The following NDUFAF6 variants were observed in gnomAD, a reference collection of about 807,000 sequenced individuals.
NDUFAF6 encodes the protein NADH dehydrogenase (ubiquinone) complex I, assembly factor 6.
Under a neutral mutation model 40.8 loss-of-function variants are expected in NDUFAF6, and 45 were observed. The ratio of observed to expected loss-of-function variants is 1.10; its 90% CI spans 0.87 to 1.42. NDUFAF6 has a LOEUF of 1.42. NDUFAF6 is among the 40% of genes most tolerant of loss of function. NDUFAF6 has a pLI of 0.00. For missense variants in NDUFAF6, 435 were observed against 418.5 expected (o/e 1.04, Z -0.34); for synonymous variants, 185 against 155.9 (o/e 1.19, Z -1.39).
chr8:95,035,993 A>T (rs1477866453), intron 3 of NDUFAF6, among the ~76,000 whole-genome samples: 2 of 152,216 alleles, frequency 1.3e-5, no homozygotes, highest in African/African-American at 4.8e-5. Context: ...GCTGTAGAAC[A>T]TGTATTAATC....
downstream of NDUFAF6, among the ~76,000 whole-genome samples, chr8:95,079,252 G>A (rs1649255296): frequency 6.6e-6 from 1 of 152,042 alleles, no homozygotes. Flanking sequence ...GAGCCACCGT[G>A]AACCACTGTA....
At chr8:95,000,797 G>A (rs1175910329) in intron 2 of NDUFAF6, among the ~76,000 whole-genome samples, 2 of 151,940 alleles carry the variant, frequency 1.3e-5, no homozygotes, top group African/African-American at 2.4e-5. Flanking sequence ...TTGGCCAGGG[G>A]TGGAGACACA....
At chr8:95,010,758 T>A (rs4323442) in intron 2 of NDUFAF6, among the ~76,000 whole-genome samples, 1 of 152,088 alleles carries the variant, frequency 6.6e-6, no homozygotes, top group African/African-American at 2.4e-5. Flanking sequence ...TGTTAAAGTT[T>A]AGCAGTTTCA....
intron 2 of NDUFAF6, among the ~76,000 whole-genome samples, chr8:95,019,029 T>A (rs1485624070): frequency 6.6e-6 from 1 of 152,234 alleles, no homozygotes; most frequent in African/African-American, 2.4e-5. Context: ...TTATTTATTT[T>A]GAGACAGAGT....
rs569964634 is a variant in NDUFAF6, at chr8:94,916,854, C to G, written c.-936+20927C>G. On this transcript the variant is annotated intron_variant, in intron 1 of 14. Coordinates refer to the NDUFAF6 transcript ENST00000396113. ...AAAAGGCCGGGCGCGGTGGCTCACA[C>G]CTGTAATCCCAGCACTTTGGGAGGC... Among the ~76,000 whole-genome samples, 385 of 140,512 alleles carry G rather than the reference C, an allele frequency of 2.7e-3. 2 individuals carry two copies. The highest frequency in any genetic ancestry group is 4.1e-3 in the Non-Finnish European group (274 of 66,154). 92.2% of individuals were successfully genotyped at this position (140,512 alleles called of 152,430 possible).
At chr8:94,961,581 C>T (rs1293503747) in intron 1 of NDUFAF6, among the ~76,000 whole-genome samples, 2 of 152,206 alleles carry the variant, frequency 1.3e-5, no homozygotes, top group Non-Finnish European at 2.9e-5. Flanking sequence ...ACCACTACAC[C>T]TGGCTAATTT....
intron 2 of NDUFAF6, among the ~76,000 whole-genome samples, chr8:94,987,485 G>T (rs563591370): frequency 2.3e-4 from 33 of 144,132 alleles, no homozygotes; most frequent in African/African-American, 7.8e-4. Flanking sequence ...TCATTTGTGG[G>T]ACTCAATATG....
intron 2 of NDUFAF6, among the ~76,000 whole-genome samples, chr8:94,949,665 G>C (rs1429610426): frequency 6.6e-6 from 1 of 152,198 alleles, no homozygotes; most frequent in East Asian, 1.9e-4. Context: ...TCCAGGAGCC[G>C]GCGGGAGCGG....
chr8:94,953,087 C>T (rs1178480566), upstream of NDUFAF6, among the ~76,000 whole-genome samples: 1 of 152,192 alleles, frequency 6.6e-6, no homozygotes, highest in African/African-American at 2.4e-5. Flanking sequence ...GTGGCTTACG[C>T]CTGTAATCCC....
At chr8:94,995,504 C>T (rs1381445383) in intron 2 of NDUFAF6, among the ~76,000 whole-genome samples, 2 of 151,984 alleles carry the variant, frequency 1.3e-5, no homozygotes, top group Non-Finnish European at 2.9e-5. Flanking sequence ...TGGCTTGCAC[C>T]TGTAATCCCA....
At chr8:94,937,662 G>A (rs1821124426) in intron 1 of NDUFAF6, among the ~76,000 whole-genome samples, 1 of 151,958 alleles carries the variant, frequency 6.6e-6, no homozygotes, top group African/African-American at 2.4e-5. Context: ...TCTACTGGAT[G>A]CAATGGTCCT....
At chr8:95,050,177 G>T (rs1218871046) in intron 7 of NDUFAF6, among the ~76,000 whole-genome samples, 1 of 152,176 alleles carries the variant, frequency 6.6e-6, no homozygotes, top group East Asian at 1.9e-4. Context: ...CCAGTCAATG[G>T]ACATGTAAGG....
At chr8:95,085,800 T>C (rs1187860973) in intron 2 of NDUFAF6, 1 of 152,022 alleles carries the variant, frequency 6.6e-6, no homozygotes, top group African/African-American at 2.4e-5. Flanking sequence ...AACATGAAAA[T>C]CAGATGAGAT....
chr8:95,054,457 C>T (rs1358412864), intron 8 of NDUFAF6, among the ~76,000 whole-genome samples: 8 of 141,658 alleles, frequency 5.6e-5, no homozygotes, highest in East Asian at 4.2e-4. Flanking sequence ...TTTTTTGAGA[C>T]GGAGTCTTGC....
intron 2 of NDUFAF6, among the ~76,000 whole-genome samples, chr8:95,013,293 CAG>C (rs1185244526): frequency 2.6e-5 from 4 of 152,052 alleles, no homozygotes; most frequent in Admixed American, 2.0e-4. Flanking sequence ...TTTGTAGAGA[CAG>C]GGGTCTTGCT....
At chr8:95,089,461 T>G (rs1809178578) in intron 2 of NDUFAF6, among the ~76,000 whole-genome samples, 2 of 135,246 alleles carry the variant, frequency 1.5e-5, no homozygotes, top group Non-Finnish European at 3.2e-5. Context: ...GTAAACTGTG[T>G]GTATATATAT....
intron 5 of NDUFAF6, 138 bp from the exon 6 acceptor site, chr8:95,046,855 CA>C (rs1830825975): frequency 9.0e-7 from 1 of 1,113,848 alleles, no homozygotes; most frequent in East Asian, 2.5e-5. Flanking sequence ...CCCAGTTTTT[CA>C]CTCATAAATC....
chr8:95,085,320 TCTC>T (rs998730203), intron 2 of NDUFAF6, among the ~76,000 whole-genome samples: 13 of 152,138 alleles, frequency 8.5e-5, no homozygotes, highest in African/African-American at 3.1e-4. Flanking sequence ...TGGGCTGTCT[TCTC>T]CTCCTCCCAT....
chr8:95,039,684 G>A (rs894310626), intron 3 of NDUFAF6, among the ~76,000 whole-genome samples: 1 of 151,932 alleles, frequency 6.6e-6, no homozygotes, highest in South Asian at 2.1e-4. Flanking sequence ...CTGGAGTGCA[G>A]TGTGGTGATC....
Sources: gnomAD v4.1 joint callset for allele counts (sites outside exome capture counted in the v4.1 genomes callset) on GRCh38, gnomAD v4.1.1 for gene constraint, MANE v1.5 for transcripts, NCBI Gene and HGNC (gene_info 2026-07-23, HGNC 2026-07-21) for gene names.